Variants in CCSER1 observed in about 807,000 individuals in gnomAD.
The protein encoded by CCSER1 is coiled-coil serine rich protein 1.
CCSER1 carries 41 observed loss-of-function variants against 82.0 expected under a neutral mutation model. The ratio of observed to expected loss-of-function variants is 0.50; its 90% CI spans 0.39 to 0.65. CCSER1 has a LOEUF of 0.65. CCSER1 is among the 30% of genes least tolerant of loss of function. The probability of loss-of-function intolerance (pLI) is 0.00; values close to 1 mark genes in which losing one functional copy is unlikely to be tolerated. For missense variants in CCSER1, 1,119 were observed against 1,064.2 expected (o/e 1.05, Z -0.72); for synonymous variants, 414 against 383.9 (o/e 1.08, Z -0.92).
At chr4:90,562,496 A>C (rs546272036) in intron 5 of CCSER1, among the ~76,000 whole-genome samples, 4 of 152,308 alleles carry the variant, frequency 2.6e-5, no homozygotes, top group Non-Finnish European at 4.4e-5. Context: ...ACTTGCAAAA[A>C]AATGAGTGAA....
intron 2 of CCSER1, among the ~76,000 whole-genome samples, chr4:90,312,153 A>G (rs1163585884): frequency 2.0e-5 from 3 of 152,196 alleles, no homozygotes; most frequent in African/African-American, 4.8e-5. Context: ...TGAGAGAAAT[A>G]TATTAGTGCA....
intron 10 of CCSER1, among the ~76,000 whole-genome samples, chr4:91,142,956 A>G (rs1319260467): frequency 3.8e-5 from 3 of 79,642 alleles, no homozygotes; most frequent in East Asian, 3.4e-4. Flanking sequence ...TAATTTGGCT[A>G]TTTGAACTCT....
chr4:91,280,306 C>A (rs1742817936), intron 10 of CCSER1, among the ~76,000 whole-genome samples: 1 of 152,158 alleles, frequency 6.6e-6, no homozygotes, highest in Admixed American at 6.5e-5. Context: ...GGAGACCACC[C>A]AAGTTGGTAT....
intron 10 of CCSER1, among the ~76,000 whole-genome samples, chr4:91,175,515 C>T (rs1733239048): frequency 6.6e-6 from 1 of 152,156 alleles, no homozygotes; most frequent in Admixed American, 6.5e-5. Flanking sequence ...GATCACCATT[C>T]TAACTGGTGT....
chr4:91,135,044 G>C (rs1490210089), intron 10 of CCSER1, among the ~76,000 whole-genome samples: 1 of 151,326 alleles, frequency 6.6e-6, no homozygotes, highest in African/African-American at 2.4e-5. Flanking sequence ...TGGCGACAGA[G>C]AGAGACTCTG....
chr4:90,209,784 T>A (rs998356818), intron 1 of CCSER1, among the ~76,000 whole-genome samples: 5 of 151,520 alleles, frequency 3.3e-5, no homozygotes, highest in African/African-American at 1.2e-4. Context: ...TTTTTTTTTT[T>A]AATTTTTCGG....
intron 10 of CCSER1, among the ~76,000 whole-genome samples, chr4:91,245,567 A>G (rs1235593330): frequency 6.6e-6 from 1 of 152,176 alleles, no homozygotes; most frequent in African/African-American, 2.4e-5. Flanking sequence ...AAGAAGAAAG[A>G]GAAATAAAGG....
intron 10 of CCSER1, among the ~76,000 whole-genome samples, chr4:91,331,539 C>G (rs1746955315): frequency 6.6e-6 from 1 of 152,114 alleles, no homozygotes; most frequent in African/African-American, 2.4e-5. Flanking sequence ...ACCTTACCCT[C>G]TTTACCTTTC....
intron 10 of CCSER1, among the ~76,000 whole-genome samples, chr4:91,534,220 C>A (rs1007324265): frequency 1.3e-5 from 2 of 152,078 alleles, no homozygotes; most frequent in African/African-American, 2.4e-5. Context: ...TTGCCAGGCA[C>A]ACTCTGTAAT....
intron 10 of CCSER1, among the ~76,000 whole-genome samples, chr4:91,162,684 T>G (rs1731555229): frequency 6.6e-6 from 1 of 152,230 alleles, no homozygotes; most frequent in Admixed American, 6.5e-5. Flanking sequence ...CAGGAATCTA[T>G]CCATTTCTTC....
rs190398222 is a variant in CCSER1, at chr4:91,212,718, T to G, written c.2217+126724T>G. ...AACTGAAGTATTTTTTATGAAATTTTTATTCCTTTTTTAAATAATTTAAAC... is the reference window on the plus strand; with the variant it reads ...AACTGAAGTATTTTTTATGAAATTTGTATTCCTTTTTTAAATAATTTAAAC... On this transcript the variant is annotated intron_variant, in intron 10 of 10. Coordinates refer to ENST00000509176, the MANE Select transcript of CCSER1 (RefSeq NM_001145065.2). 2.8e-3 allele frequency among the ~76,000 whole-genome samples: 429 copies of G among 152,276 alleles called. 1 individual carries two copies. The highest frequency in any genetic ancestry group is 9.8e-3 in the African/African-American group (406 of 41,570).
intron 10 of CCSER1, among the ~76,000 whole-genome samples, chr4:91,408,856 G>A (rs1752859040): frequency 6.6e-6 from 1 of 152,176 alleles, no homozygotes; most frequent in African/African-American, 2.4e-5. Flanking sequence ...TTTAAGATTA[G>A]ATATGATGAA....
chr4:91,282,429 G>T (rs1211549524), intron 10 of CCSER1, among the ~76,000 whole-genome samples: 1 of 152,040 alleles, frequency 6.6e-6, no homozygotes, highest in Non-Finnish European at 1.5e-5. Context: ...CCTACACTTG[G>T]GTCTGTACAG....
At chr4:91,138,938 A>G (rs1728756927) in intron 10 of CCSER1, among the ~76,000 whole-genome samples, 1 of 152,162 alleles carries the variant, frequency 6.6e-6, no homozygotes, top group South Asian at 2.1e-4. Context: ...ACATGGGCAT[A>G]TGGCATGATG....
At chr4:90,984,884 A>G (rs567466565) in intron 9 of CCSER1, among the ~76,000 whole-genome samples, 1 of 151,896 alleles carries the variant, frequency 6.6e-6, no homozygotes, top group African/African-American at 2.4e-5. Context: ...TCGTTTACCA[A>G]AATATCCCTA....
intron 10 of CCSER1, among the ~76,000 whole-genome samples, chr4:91,222,091 A>G (rs961789292): frequency 4.6e-5 from 7 of 151,764 alleles, no homozygotes; most frequent in African/African-American, 1.7e-4. Flanking sequence ...TCCATCACAT[A>G]TACACATATA....
chr4:91,490,898 A>ATATATG (rs1758490023), intron 10 of CCSER1, among the ~76,000 whole-genome samples: 1 of 69,430 alleles, frequency 1.4e-5, no homozygotes, highest in African/African-American at 6.4e-5. Context: ...ATATATATAT[A>ATATATG]TATATATATA....
At chr4:91,054,830 C>T (rs918240691) in intron 9 of CCSER1, among the ~76,000 whole-genome samples, 1 of 152,056 alleles carries the variant, frequency 6.6e-6, no homozygotes, top group Non-Finnish European at 1.5e-5. Flanking sequence ...CTTTGAACAG[C>T]ATGTTGGTGC....
chr4:90,717,317 A>G (rs1439014716), intron 6 of CCSER1, among the ~76,000 whole-genome samples: 1 of 152,182 alleles, frequency 6.6e-6, no homozygotes, highest in Non-Finnish European at 1.5e-5. Context: ...GGATGCTAGG[A>G]AGGCAAAAAC....
Sources: allele counts gnomAD v4.1 joint callset (sites outside exome capture counted in the v4.1 genomes callset), GRCh38; gene constraint gnomAD v4.1.1; transcripts MANE v1.5; gene names NCBI Gene and HGNC (gene_info 2026-07-23, HGNC 2026-07-21).